SUSD6: variants seen among roughly 807,000 people sequenced by gnomAD.
The protein encoded by SUSD6 is sushi domain-containing protein 6.
A neutral mutation model predicts 28.4 loss-of-function variants in SUSD6; 16 were observed. The observed-to-expected ratio is 0.56, with a 90% CI of 0.38 to 0.86. The LOEUF (loss-of-function observed/expected upper bound fraction) is 0.86. Ranked by LOEUF, SUSD6 falls within the 40% of genes least tolerant of loss-of-function variation. SUSD6 has a pLI of 0.00. For missense variants in SUSD6, 341 were observed against 384.2 expected (o/e 0.89, Z 0.94); for synonymous variants, 147 against 159.6 (o/e 0.92, Z 0.59).
chr14:69,638,031 T>G (rs1199108135), intron 1 of SUSD6, among the ~76,000 whole-genome samples: 1 of 152,220 alleles, frequency 6.6e-6, no homozygotes, highest in Non-Finnish European at 1.5e-5. Context: ...TTGTTAACTC[T>G]GTGTGTGTGC....
chr14:69,637,743 G>A (rs1885286133), intron 1 of SUSD6, among the ~76,000 whole-genome samples: 1 of 152,182 alleles, frequency 6.6e-6, no homozygotes, highest in African/African-American at 2.4e-5. Context: ...GCAAGCACGT[G>A]CAGATTGCTG....
intron 1 of SUSD6, among the ~76,000 whole-genome samples, chr14:69,628,579 G>C (rs1337346808): frequency 2.0e-5 from 3 of 152,192 alleles, no homozygotes; most frequent in African/African-American, 7.2e-5. Context: ...CCTGTGCCAG[G>C]CAGTGTGCTC....
At chr14:69,622,003 A>G (rs1885047784) in intron 1 of SUSD6, among the ~76,000 whole-genome samples, 1 of 152,180 alleles carries the variant, frequency 6.6e-6, no homozygotes, top group African/African-American at 2.4e-5. Flanking sequence ...GCAGCAGGTG[A>G]GGTGGTTTTC....
rs1248090321 is a variant in SUSD6, at chr14:69,670,400, GA to G, written c.121+11690del. 4.4e-5 allele frequency: 20 copies of G among 453,064 alleles called. No homozygotes were observed. The East Asian group carries it at 1.3e-3, about 28-fold the overall frequency. 28.1% of individuals were successfully genotyped at this position (453,064 alleles called of 1,614,324 possible). A position where few individuals can be genotyped will look rare whatever the true frequency, so the allele number is the denominator to read the frequency against. ...TCCATGTGATACATGCTATAATCAGGAAAGTACTGCACTACACAGGAATACT... is the reference window on the plus strand; with the variant it reads ...TCCATGTGATACATGCTATAATCAGGAAGTACTGCACTACACAGGAATACT... On this transcript the variant is annotated intron_variant, in intron 2 of 5. Coordinates refer to ENST00000342745, the MANE Select transcript of SUSD6 (RefSeq NM_014734.4).
intron 2 of SUSD6, 34 bp downstream of exon 2, chr14:69,658,747 G>A: frequency 6.2e-7 from 1 of 1,613,506 alleles, no homozygotes; most frequent in African/African-American, 1.3e-5. Context: ...GTGTGGGTGG[G>A]AAAATATTTA....
At chr14:69,693,317 T>A (rs1349151069) in intron 2 of SUSD6, among the ~76,000 whole-genome samples, 1 of 138,316 alleles carries the variant, frequency 7.2e-6, no homozygotes, top group Non-Finnish European at 1.6e-5. Flanking sequence ...GCTGGCAGCC[T>A]GTTTCCCTGG....
chr14:69,641,621 G>A (rs1372441618), intron 1 of SUSD6, among the ~76,000 whole-genome samples: 2 of 151,818 alleles, frequency 1.3e-5, no homozygotes, highest in South Asian at 2.1e-4. Flanking sequence ...ACAGGGTCTC[G>A]CTCTGCCACC....
chr14:69,661,461 C>T (rs1885659424), intron 2 of SUSD6, among the ~76,000 whole-genome samples: 1 of 152,168 alleles, frequency 6.6e-6, no homozygotes, highest in Non-Finnish European at 1.5e-5. Context: ...TTTTCTTTCC[C>T]CTCCCCCACC....
intron 1 of SUSD6, among the ~76,000 whole-genome samples, chr14:69,619,648 G>A (rs1466357587): frequency 6.6e-6 from 1 of 151,992 alleles, no homozygotes; most frequent in African/African-American, 2.4e-5. Flanking sequence ...ACACACACCT[G>A]TAGTCCCAGC....
intron 1 of SUSD6, among the ~76,000 whole-genome samples, chr14:69,613,756 T>G (rs1373372388): frequency 1.3e-5 from 2 of 152,242 alleles, no homozygotes; most frequent in Non-Finnish European, 2.9e-5. Flanking sequence ...TAGGACTTCC[T>G]GTCTGCAGAG....
At chr14:69,704,946 T>C (rs543762062) in intron 4 of SUSD6, among the ~76,000 whole-genome samples, 75 of 152,208 alleles carry the variant, frequency 4.9e-4, no homozygotes, top group Non-Finnish European at 9.3e-4. Context: ...TTAATCCTCA[T>C]AGGAACATTG....
chr14:69,621,330 C>G (rs969633876), intron 1 of SUSD6, among the ~76,000 whole-genome samples: 6 of 152,064 alleles, frequency 3.9e-5, no homozygotes, highest in African/African-American at 1.4e-4. Flanking sequence ...TGTAGGGAGG[C>G]CTGGTTTGAG....
intron 2 of SUSD6, among the ~76,000 whole-genome samples, chr14:69,696,828 C>T (rs1418817994): frequency 6.6e-6 from 1 of 152,098 alleles, no homozygotes; most frequent in Non-Finnish European, 1.5e-5. Flanking sequence ...AGATTCAGAC[C>T]CCAGGAGAGG....
Position 69,658,608 on chromosome 14 carries a change from A to G in SUSD6, c.16A>G (p.Ile6Val). 6.2e-7 allele frequency: 1 copy of G among 1,614,158 alleles called. No homozygotes were observed. Among genetic ancestry groups the G allele is most frequent in the Non-Finnish European group, 8.5e-7 (1 of 1,180,016 alleles). The change falls in exon 2 of 6, where the codon ATA (isoleucine) becomes GTA (valine). Residue 6 changes from isoleucine to valine, a missense_variant. Ile to Val is a conservative substitution (Grantham distance 29). Coordinates refer to ENST00000342745, the MANE Select transcript of SUSD6 (RefSeq NM_014734.4). Reference sequence around the variant, plus strand: ...CGGATAAAAGATGTGCCATGGCAGGATAGCACCAAAGAGCACCTCAGTGTT... The same window carrying G: ...CGGATAAAAGATGTGCCATGGCAGGGTAGCACCAAAGAGCACCTCAGTGTT... MCHGRIAPKSTSVFAV... is the reference protein window; with the variant it reads MCHGRVAPKSTSVFAV...
At chr14:69,658,183 AG>A (rs1342403307) in intron 1 of SUSD6, among the ~76,000 whole-genome samples, 1 of 152,180 alleles carries the variant, frequency 6.6e-6, no homozygotes, top group Non-Finnish European at 1.5e-5. Context: ...ACTTGGGTGT[AG>A]CAGCTCTGTG....
chr14:69,695,155 C>T (rs1457060608), intron 2 of SUSD6, among the ~76,000 whole-genome samples: 2 of 151,890 alleles, frequency 1.3e-5, no homozygotes, highest in Non-Finnish European at 2.9e-5. Flanking sequence ...GAGAAACCAT[C>T]TCACTTCCCT....
At chr14:69,669,723 C>G (rs957382492) in intron 2 of SUSD6, among the ~76,000 whole-genome samples, 1 of 152,342 alleles carries the variant, frequency 6.6e-6, no homozygotes, top group African/African-American at 2.4e-5. Context: ...CCTTCAAAGT[C>G]CAACTTAGCT....
chr14:69,708,614 T>C, intron 4 of SUSD6, 63 bp from the exon 5 acceptor site: 1 of 1,354,340 alleles, frequency 7.4e-7, no homozygotes, highest in Non-Finnish European at 1.0e-6. Flanking sequence ...ATTATTATTA[T>C]CATGCCTGTT....
chr14:69,660,229 A>G (rs548632542), intron 2 of SUSD6, among the ~76,000 whole-genome samples: 18 of 152,326 alleles, frequency 1.2e-4, no homozygotes, highest in African/African-American at 3.1e-4. Flanking sequence ...ACATAAACAG[A>G]TAATGGCACA....
Sources: allele counts gnomAD v4.1 joint callset (sites outside exome capture counted in the v4.1 genomes callset), GRCh38; gene constraint gnomAD v4.1.1; transcripts MANE v1.5; gene names NCBI Gene and HGNC (gene_info 2026-07-23, HGNC 2026-07-21).